ABHD6: variants seen among roughly 807,000 people sequenced by gnomAD.
ABHD6 encodes the protein monoacylglycerol lipase ABHD6.
In ABHD6, 33 loss-of-function variants were observed where a neutral mutation model predicts 38.8. The ratio of observed to expected loss-of-function variants is 0.85; its 90% CI spans 0.64 to 1.14. The LOEUF (loss-of-function observed/expected upper bound fraction) is 1.14. Among genes scored for constraint, ABHD6 ranks in the 50% most tolerant of loss-of-function variants. ABHD6 has a pLI of 0.00. For missense variants in ABHD6, 380 were observed against 422.6 expected, an observed-to-expected ratio of 0.90 and a Z score of 0.88; for synonymous variants, 147 against 161.6, an observed-to-expected ratio of 0.91 and a Z score of 0.69.
chr3:58,288,032 A>G (rs1372260692), intron 9 of ABHD6, among the ~76,000 whole-genome samples: 1 of 152,340 alleles, frequency 6.6e-6, no homozygotes, highest in East Asian at 1.9e-4. Context: ...TCCCAGACTC[A>G]GAAGTCCGTT....
chr3:58,271,041 G>C lies in ABHD6; in HGVS notation c.500G>C (p.Ser167Thr), dbSNP rs1025128382. Residue 167 changes from serine (S) to threonine (T), a missense_variant, in exon 6 of 10, where the codon AGC (serine) becomes ACC (threonine). Physicochemically the swap from Ser to Thr is moderately conservative, Grantham distance 58. Coordinates refer to ENST00000478253, the MANE Select transcript of ABHD6 (RefSeq NM_001320126.2). ...GCTTACTACCCATCGGATGTCTCCA[G>C]CCTGTGTCTCGTGTGTCCTGCTGGT... ...YAAYYPSDVS[S>T]LCLVCPAGLQ... 3 of 1,609,406 alleles carry C rather than the reference G, an allele frequency of 1.9e-6. No individual in the cohort carries two copies. Among genetic ancestry groups the C allele is most frequent in the Non-Finnish European group, 2.5e-6 (3 of 1,178,606 alleles).
chr3:58,286,853 T>C (rs879854140), intron 9 of ABHD6, among the ~76,000 whole-genome samples: 685 of 64,934 alleles, frequency 0.011, 7 homozygotes, highest in East Asian at 0.048. Flanking sequence ...TGTGTGTGTG[T>C]ATATATATAT....
At chr3:58,283,185 T>C (rs138943603) in intron 7 of ABHD6, among the ~76,000 whole-genome samples, 1 of 152,340 alleles carries the variant, frequency 6.6e-6, no homozygotes, top group East Asian at 1.9e-4. Context: ...TGCTGTGGCA[T>C]GTTCCACCCC....
Position 58,286,862 on chromosome 3 carries a change from A to G in ABHD6, c.837+1409A>G, listed in dbSNP as rs1211740439. ...TGTGTGTGTGTGTGTGTATATATATATATATATGTATATGTATATATAAGT... is the reference window on the plus strand; with the variant it reads ...TGTGTGTGTGTGTGTGTATATATATGTATATATGTATATGTATATATAAGT... On this transcript the variant is annotated intron_variant, in intron 9 of 9. Coordinates refer to ENST00000478253, the MANE Select transcript of ABHD6 (RefSeq NM_001320126.2). 2.6e-4 allele frequency among the ~76,000 whole-genome samples: 32 copies of G among 122,928 alleles called. 2 individuals carry two copies. The highest frequency in any genetic ancestry group is 1.7e-3 in the Admixed American group (17 of 10,264). 80.6% of individuals were successfully genotyped at this position (122,928 alleles called of 152,430 possible). A position where few individuals can be genotyped will look rare whatever the true frequency, so the allele number is the denominator to read the frequency against.
At position 58,256,676 on chromosome 3, in the gene ABHD6, G is replaced by A. The variant is rs759093503; in HGVS notation, c.90G>A (p.Trp30Ter). ...CATTTGTGGCTTCATTTCTTCTGTG[G>A]CCTTCAGCACTGATAAGAATCTATT... ...ILAFVASFLL[W>*]PSALIRIYYW... The change falls in exon 3 of 10, where the codon TGG (tryptophan) becomes TGA (stop). Residue 30 changes from tryptophan (W) to a stop codon, truncating the protein, a stop_gained. Transcript: ENST00000478253. LOFTEE classifies it high-confidence loss of function. This position sits in a 1 kb window ranked among gnomAD's most constrained non-coding sequence, Gnocchi z 4.3. 6.2e-7 allele frequency: 1 copy of A among 1,613,322 alleles called. No homozygotes were observed. The highest frequency in any genetic ancestry group is 1.7e-5 in the Admixed American group (1 of 60,010).
chr3:58,269,753 C>T lies in ABHD6; in HGVS notation c.390+319C>T, dbSNP rs1246620495. ...CCTAGGGATCTCTCTTTCTGCTCAC[C>T]AGTTATATGATAACAGTAATAGCCC... is the stretch of plus-strand genomic sequence containing the variant. On this transcript the variant is annotated intron_variant, in intron 5 of 9. Coordinates refer to ENST00000478253, the MANE Select transcript of ABHD6 (RefSeq NM_001320126.2). The surrounding 1 kb of genome is among the most constrained non-coding windows in gnomAD (Gnocchi z 4.4). Among the ~76,000 whole-genome samples the T allele has an allele frequency of 6.6e-6, 1 of 152,196 alleles. No individual in the cohort carries two copies.
Position 58,293,456 on chromosome 3 carries a change from G to A in ABHD6, c.838-133G>A. On this transcript the variant is annotated intron_variant, in intron 9 of 9. Coordinates refer to ENST00000478253, the MANE Select transcript of ABHD6 (RefSeq NM_001320126.2). This position sits in a 1 kb window ranked among gnomAD's most constrained non-coding sequence, Gnocchi z 4.4. ...CAGCCACAAGCCCCAACACCAAAGG[G>A]ACTTGGTCCTAAAATTCACATCCTC... 2.3e-6 allele frequency: 2 copies of A among 877,608 alleles called. No individual in the cohort carries two copies. The highest frequency in any genetic ancestry group is 3.6e-5 in the South Asian group (2 of 55,636). 54.4% of individuals were successfully genotyped at this position (877,608 alleles called of 1,614,324 possible).
intron 1 of ABHD6, among the ~76,000 whole-genome samples, chr3:58,248,073 TCTCA>T (rs1265902584): frequency 3.3e-5 from 5 of 152,188 alleles, no homozygotes; most frequent in Non-Finnish European, 7.3e-5. Context: ...ATATTTTCTC[TCTCA>T]CTCTCTGTTT....
rs771212454 is a variant in ABHD6, at chr3:58,271,051, C to T, written c.510C>T (p.Leu170=). ...CATCGGATGTCTCCAGCCTGTGTCT[C>T]GTGTGTCCTGCTGGTAAGTTATGAA... ...YYPSDVSSLC[L]VCPAGLQYST... Residue 170 remains leucine (L), a synonymous_variant, in exon 6 of 10, where the codon CTC becomes CTT. Coordinates refer to ENST00000478253, the MANE Select transcript of ABHD6 (RefSeq NM_001320126.2). 26 of 1,603,048 alleles carry T rather than the reference C, an allele frequency of 1.6e-5. No homozygotes were observed. The highest frequency in any genetic ancestry group is 1.1e-4 in the African/African-American group (8 of 74,320).
Position 58,257,844 on chromosome 3 carries a change from A to T in ABHD6, c.119+1139A>T, listed in dbSNP as rs1041208634. On this transcript the variant is annotated intron_variant, in intron 3 of 9. Coordinates refer to ENST00000478253, the MANE Select transcript of ABHD6 (RefSeq NM_001320126.2). This position sits in a 1 kb window ranked among gnomAD's most constrained non-coding sequence, Gnocchi z 4.8. ...GAAAAAGAAGTTTCCAAAATATGTCATTCTTGTACCACTGTTATTATTCTT... is the reference window on the plus strand; with the variant it reads ...GAAAAAGAAGTTTCCAAAATATGTCTTTCTTGTACCACTGTTATTATTCTT... Among the ~76,000 whole-genome samples, 1 of 152,186 alleles carries T rather than the reference A, an allele frequency of 6.6e-6. No homozygotes were observed. The highest frequency in any genetic ancestry group is 1.5e-5 in the Non-Finnish European group (1 of 68,036).
At chr3:58,282,607 G>A (rs926064955) in intron 7 of ABHD6, among the ~76,000 whole-genome samples, 9 of 152,200 alleles carry the variant, frequency 5.9e-5, no homozygotes, top group African/African-American at 1.2e-4. Flanking sequence ...GTGGTGGTGC[G>A]TGCCTGTAGA....
intron 9 of ABHD6, among the ~76,000 whole-genome samples, chr3:58,286,692 G>A (rs1355857082): frequency 2.6e-5 from 4 of 150,978 alleles, no homozygotes; most frequent in South Asian, 2.1e-4. Context: ...CTAAGCACAC[G>A]TATAGTGTAT....
intron 9 of ABHD6, among the ~76,000 whole-genome samples, chr3:58,289,712 A>G (rs1042284032): frequency 8.5e-5 from 13 of 152,088 alleles, no homozygotes; most frequent in African/African-American, 1.9e-4. Flanking sequence ...CCACAAAACC[A>G]CCATTGTCAT....
chr3:58,291,143 G>A (rs1487294414), intron 9 of ABHD6, among the ~76,000 whole-genome samples: 17 of 151,542 alleles, frequency 1.1e-4, no homozygotes, highest in Admixed American at 3.3e-4. Context: ...TCCGGAGGCC[G>A]AGGCTGGCGG....
rs530581521 is a variant in ABHD6, at chr3:58,238,929, G to T, written c.-91+1013G>T. On this transcript the variant is annotated intron_variant, in intron 1 of 9. Transcript: ENST00000478253. This position sits in a 1 kb window ranked among gnomAD's most constrained non-coding sequence, Gnocchi z 6.9. ...ATGAATAATAGCTGACATAGAATAA[G>T]CAAATCTTGTGTGCCAGGCCCTGTC... Among the ~76,000 whole-genome samples the T allele has an allele frequency of 6.6e-6, 1 of 152,026 alleles. No individual in the cohort carries two copies. The highest frequency in any genetic ancestry group is 1.5e-5 in the Non-Finnish European group (1 of 68,010).
In ABHD6 at chr3:58,286,850, G is replaced by GTATATATA. The variant is rs1221165191; in HGVS notation, c.837+1398_837+1399insATATATAT. Among the ~76,000 whole-genome samples the GTATATATA allele has an allele frequency of 1.2e-3, 87 of 72,822 alleles. 7 individuals carry two copies. Among genetic ancestry groups the GTATATATA allele is most frequent in the East Asian group, 3.7e-3 (3 of 818 alleles). The allele number at this position is 72,822 out of a possible 152,430, so 47.8% of individuals were successfully genotyped here. ...TGTGTGTGTGTGTGTGTGTGTGTGT[G>GTATATATA]TGTATATATATATATATATGTATAT... On this transcript the variant is annotated intron_variant, in intron 9 of 9. Transcript: ENST00000478253.
chr3:58,256,023 A>G lies in ABHD6; in HGVS notation c.-25-539A>G, dbSNP rs955284178. On this transcript the variant is annotated intron_variant, in intron 2 of 9. Coordinates refer to ENST00000478253, the MANE Select transcript of ABHD6 (RefSeq NM_001320126.2). The surrounding 1 kb of genome is among the most constrained non-coding windows in gnomAD (Gnocchi z 4.3). ...CATGTAACCTTCACCTGGATTCCCC[A>G]GTGGTTAGCATTTTACCATATTTGC... Among the ~76,000 whole-genome samples, 1 of 151,880 alleles carries G rather than the reference A, an allele frequency of 6.6e-6. No individual in the cohort carries two copies.
At position 58,256,692 on chromosome 3, in the gene ABHD6, A is replaced by C. The variant is rs762899733; in HGVS notation, c.106A>C (p.Arg36=). 23 of 1,611,886 alleles carry C rather than the reference A, an allele frequency of 1.4e-5. No homozygotes were observed. Residue 36 remains arginine, a synonymous_variant, in exon 3 of 10, where the codon AGA becomes CGA. Transcript: ENST00000478253. The surrounding 1 kb of genome is among the most constrained non-coding windows in gnomAD (Gnocchi z 4.3). ...TCTTCTGTGGCCTTCAGCACTGATA[A>C]GAATCTATTATTGGTAAGCCAGTTT... ...SFLLWPSALI[R]IYYWYWRRTL...
chr3:58,239,565 C>G (rs1310478231), intron 1 of ABHD6, among the ~76,000 whole-genome samples: 1 of 152,142 alleles, frequency 6.6e-6, no homozygotes, highest in Non-Finnish European at 1.5e-5. Context: ...CTGTGGCTTT[C>G]GTCAACTCCA....
Sources: allele counts gnomAD v4.1 joint callset (sites outside exome capture counted in the v4.1 genomes callset), GRCh38; gene constraint gnomAD v4.1.1; non-coding constraint Gnocchi (gnomAD v3.1); transcripts MANE v1.5; gene names NCBI Gene and HGNC (gene_info 2026-07-23, HGNC 2026-07-21).